The following VCL variants were observed in gnomAD, a reference collection of about 807,000 sequenced individuals.
The protein encoded by VCL is vinculin.
In VCL, 47 loss-of-function variants were observed where a neutral mutation model predicts 125.7. The observed-to-expected ratio is 0.37, with a 90% confidence interval of 0.30 to 0.48. The LOEUF (loss-of-function observed/expected upper bound fraction) is 0.48. VCL is among the 20% of genes least tolerant of loss of function. VCL has a pLI of 0.99. For missense variants in VCL, 1,069 were observed against 1,455.5 expected (o/e 0.73, Z 4.32); for synonymous variants, 458 against 514.6 (o/e 0.89, Z 1.49).
chr10:74,033,892 C>T (rs1484631490), intron 1 of VCL, among the ~76,000 whole-genome samples: 2 of 152,198 alleles, frequency 1.3e-5, no homozygotes, highest in African/African-American at 4.8e-5. Flanking sequence ...TCACCCTCCA[C>T]ATGGAGTGTC....
chr10:74,078,952 A>G (rs1490656395), intron 6 of VCL, among the ~76,000 whole-genome samples: 2 of 152,104 alleles, frequency 1.3e-5, no homozygotes, highest in African/African-American at 4.8e-5. Context: ...CTTATTCCCC[A>G]TATTTAAAAT....
At chr10:74,000,342 C>T (rs761721687) in intron 1 of VCL, among the ~76,000 whole-genome samples, 29 of 148,886 alleles carry the variant, frequency 1.9e-4, no homozygotes, top group Middle Eastern at 3.5e-3. Flanking sequence ...TAGCTCACTG[C>T]AGCCTCCATC....
intron 2 of VCL, among the ~76,000 whole-genome samples, chr10:74,047,205 G>C (rs1332377845): frequency 6.6e-6 from 1 of 152,184 alleles, no homozygotes; most frequent in Non-Finnish European, 1.5e-5. Flanking sequence ...GCCGAGGTGG[G>C]AGGATTGCTT....
intron 2 of VCL, among the ~76,000 whole-genome samples, chr10:74,044,160 G>A (rs1163242765): frequency 1.3e-5 from 2 of 151,914 alleles, no homozygotes; most frequent in African/African-American, 4.8e-5. Flanking sequence ...TTAAATTTAA[G>A]TTATATTTAT....
intron 6 of VCL, among the ~76,000 whole-genome samples, chr10:74,079,694 A>T (rs1839645499): frequency 6.6e-6 from 1 of 152,198 alleles, no homozygotes; most frequent in African/African-American, 2.4e-5. Flanking sequence ...CTTTCAAAAG[A>T]AATATATATG....
intron 1 of VCL, among the ~76,000 whole-genome samples, chr10:74,019,515 A>G (rs1385232573): frequency 6.6e-6 from 1 of 152,080 alleles, no homozygotes; most frequent in Non-Finnish European, 1.5e-5. Flanking sequence ...ATTGAGGAAG[A>G]TAGATTGGAG....
In VCL at chr10:74,070,920, C is replaced by A. The variant is rs1841654517; in HGVS notation, c.391-55C>A. 3.7e-6 allele frequency: 6 copies of A among 1,610,966 alleles called. No individual in the cohort carries two copies. In the Admixed American group the frequency reaches 5.0e-5, roughly 13 times the overall value. ...TGTTGAATGCTGCACATCTGTGTTA[C>A]CGTGTTTGCTAGTTGTCCACCCATG... On this transcript the variant is annotated intron_variant, in intron 3 of 21. Coordinates refer to ENST00000211998, the MANE Select transcript of VCL (RefSeq NM_014000.3).
intron 1 of VCL, among the ~76,000 whole-genome samples, chr10:74,001,412 G>A (rs1017748120): frequency 2.0e-5 from 3 of 152,136 alleles, no homozygotes; most frequent in Admixed American, 6.6e-5. Flanking sequence ...CAATCCTCCC[G>A]CCTTGGCCTC....
intron 1 of VCL, among the ~76,000 whole-genome samples, chr10:74,032,684 A>G (rs527498284): frequency 7.5e-6 from 1 of 133,914 alleles, no homozygotes; most frequent in Non-Finnish European, 1.6e-5. Flanking sequence ...TGGGTAACAA[A>G]GTAAGTCTCG....
intron 1 of VCL, chr10:74,027,540 AG>A (rs1481471558): frequency 6.6e-6 from 1 of 150,662 alleles, no homozygotes; most frequent in Non-Finnish European, 1.5e-5. Context: ...GGGCACCTGT[AG>A]TCCCAGCTAC....
intron 1 of VCL, among the ~76,000 whole-genome samples, chr10:74,035,122 T>A (rs1840948050): frequency 1.3e-5 from 2 of 152,248 alleles, no homozygotes; most frequent in Admixed American, 6.5e-5. Context: ...ATTGTACAAA[T>A]AAGTAACACA....
intron 6 of VCL, chr10:74,076,923 T>A (rs1839594734): frequency 6.6e-6 from 1 of 152,636 alleles, no homozygotes; most frequent in Non-Finnish European, 1.5e-5. Flanking sequence ...CATCATTTAG[T>A]GAATAAATGT....
At chr10:74,087,071 C>T (rs1839790449) in intron 8 of VCL, among the ~76,000 whole-genome samples, 1 of 151,782 alleles carries the variant, frequency 6.6e-6, no homozygotes, top group Non-Finnish European at 1.5e-5. Flanking sequence ...TTGTAATATA[C>T]AGTTGGACTC....
At chr10:74,017,345 C>T (rs148768646) in intron 1 of VCL, among the ~76,000 whole-genome samples, 16 of 152,272 alleles carry the variant, frequency 1.1e-4, no homozygotes, top group African/African-American at 2.9e-4. Context: ...CCGCGCCCGG[C>T]CTCCTTCCTT....
intron 2 of VCL, among the ~76,000 whole-genome samples, chr10:74,047,229 C>T (rs540430282): frequency 4.6e-5 from 7 of 152,164 alleles, no homozygotes; most frequent in Admixed American, 3.3e-4. Flanking sequence ...CCCAGGAGGT[C>T]GAGGCTGCAG....
intron 2 of VCL, among the ~76,000 whole-genome samples, chr10:74,060,679 GA>G (rs1446475752): frequency 1.4e-5 from 2 of 142,870 alleles, no homozygotes; most frequent in Non-Finnish European, 3.1e-5. Flanking sequence ...AAAAGAAAAA[GA>G]AAAAGAAGAA....
chr10:74,104,970 A>G, intron 15 of VCL, 81 bp from the exon 16 acceptor site: 1 of 1,471,416 alleles, frequency 6.8e-7, no homozygotes, highest in East Asian at 2.4e-5. Flanking sequence ...CTTTCTCATG[A>G]GAAGTTTGAG....
At chr10:74,032,240 TAAAA>T (rs770412004) in intron 1 of VCL, among the ~76,000 whole-genome samples, 1 of 75,998 alleles carries the variant, frequency 1.3e-5, no homozygotes, top group Non-Finnish European at 2.8e-5. Flanking sequence ...TGTTTCAGAA[TAAAA>T]AAAAAAAAAA....
At chr10:74,057,297 T>C (rs942120482) in intron 2 of VCL, among the ~76,000 whole-genome samples, 1 of 152,128 alleles carries the variant, frequency 6.6e-6, no homozygotes, top group African/African-American at 2.4e-5. Context: ...TCCAGTGAAT[T>C]GATAGAGGCA....
Sources: allele counts gnomAD v4.1 joint callset (sites outside exome capture counted in the v4.1 genomes callset), GRCh38; gene constraint gnomAD v4.1.1; transcripts MANE v1.5; gene names NCBI Gene and HGNC (gene_info 2026-07-23, HGNC 2026-07-21).